The following CRISPLD2 variants were observed in gnomAD, a reference collection of about 807,000 sequenced individuals.
The protein encoded by CRISPLD2 is cysteine rich secretory protein LCCL domain containing 2, also known as cysteine-rich secretory protein LCCL domain-containing 2.
Under a neutral mutation model 71.1 loss-of-function variants are expected in CRISPLD2, and 47 were observed. The ratio of observed to expected loss-of-function variants is 0.66; its 90% confidence interval spans 0.52 to 0.84. The LOEUF is 0.84. CRISPLD2 is among the 40% of genes least tolerant of loss of function. The pLI is 0.00. For missense variants in CRISPLD2, 830 were observed against 651.1 expected (o/e 1.27, Z -2.99); for synonymous variants, 317 against 250.1 (o/e 1.27, Z -2.52).
At chr16:84,884,147 T>G (rs2071591864) in intron 13 of CRISPLD2, among the ~76,000 whole-genome samples, 1 of 152,190 alleles carries the variant, frequency 6.6e-6, no homozygotes, top group Non-Finnish European at 1.5e-5. Context: ...ACACAGCCCT[T>G]CTTTAATCTT....
At chr16:84,864,253 G>A (rs1404080494) in intron 6 of CRISPLD2, among the ~76,000 whole-genome samples, 1 of 152,140 alleles carries the variant, frequency 6.6e-6, no homozygotes, top group East Asian at 1.9e-4. Flanking sequence ...GGAGGTACTC[G>A]GATCCAGCCC....
At chr16:84,895,215 AG>A (rs1567705382) in intron 14 of CRISPLD2, among the ~76,000 whole-genome samples, 1 of 152,170 alleles carries the variant, frequency 6.6e-6, no homozygotes, top group East Asian at 1.9e-4. Context: ...GACTTGCCCA[AG>A]GTCACCCAGC....
At position 84,838,601 on chromosome 16, in the gene CRISPLD2, A is replaced by T; in HGVS notation, c.106A>T (p.Ser36Cys). 6.2e-7 allele frequency: 1 copy of T among 1,614,256 alleles called. No individual in the cohort carries two copies. Among genetic ancestry groups the T allele is most frequent in the Non-Finnish European group, 8.5e-7 (1 of 1,180,048 alleles). The change falls in exon 2 of 15, where the codon AGC becomes TGC. Residue 36 changes from serine (S) to cysteine (C), a missense_variant. Coordinates refer to ENST00000262424, the MANE Select transcript of CRISPLD2 (RefSeq NM_031476.4). ...CGTCACTCTCTTAGAGGAGCTGCTC[A>T]GCAAATACCAGCACAACGAGTCTCA... ...PNVTLLEELL[S>C]KYQHNESHSR...
At chr16:84,849,267 A>C (rs1452310859) in intron 3 of CRISPLD2, 118 bp from the exon 4 acceptor site, 3 of 988,454 alleles carry the variant, frequency 3.0e-6, no homozygotes, top group Non-Finnish European at 4.4e-6. Flanking sequence ...TGCTCCTGGA[A>C]TTGGCCGCTA....
At position 84,892,348 on chromosome 16, in the gene CRISPLD2, G is replaced by A. The variant is rs116149847; in HGVS notation, c.1439+2985G>A. The stretch of plus-strand genomic sequence containing the variant: ...TGACAGCTGCCGTTCTAAGAGTCAC[G>A]CGAACCTGGCAAACCTGACACAAGT... On this transcript the variant is annotated intron_variant, in intron 14 of 14. Coordinates refer to ENST00000262424, the MANE Select transcript of CRISPLD2 (RefSeq NM_031476.4). Among the ~76,000 whole-genome samples the A allele has an allele frequency of 3.2e-3, 483 of 152,296 alleles. 4 individuals carry two copies. Among genetic ancestry groups the A allele is most frequent in the African/African-American group, 0.011 (469 of 41,560 alleles).
intron 14 of CRISPLD2, among the ~76,000 whole-genome samples, chr16:84,900,704 C>G (rs1298976865): frequency 2.6e-5 from 4 of 152,064 alleles, no homozygotes; most frequent in Admixed American, 2.6e-4. Context: ...CTCAGGCACC[C>G]TCACACAAAA....
chr16:84,889,752 T>G (rs866612592), intron 14 of CRISPLD2, among the ~76,000 whole-genome samples: 3 of 139,216 alleles, frequency 2.2e-5, no homozygotes, highest in Non-Finnish European at 4.7e-5. Context: ...TTGTTTTTCT[T>G]TGTGTGTGTG....
At chr16:84,847,274 T>C (rs889189744) in intron 3 of CRISPLD2, among the ~76,000 whole-genome samples, 1 of 152,220 alleles carries the variant, frequency 6.6e-6, no homozygotes, top group Non-Finnish European at 1.5e-5. Flanking sequence ...CCTGGGCAGG[T>C]GTCATGGTGG....
rs543977254 is a variant in CRISPLD2, at chr16:84,858,525, T to A, written c.709+3696T>A. Among the ~76,000 whole-genome samples the A allele has an allele frequency of 3.9e-5, 6 of 152,330 alleles. No homozygotes were observed. In the South Asian group the frequency reaches 1.2e-3, roughly 32 times the overall value. On this transcript the variant is annotated intron_variant, in intron 6 of 14. Coordinates refer to ENST00000262424, the MANE Select transcript of CRISPLD2 (RefSeq NM_031476.4). Reference sequence around the variant, plus strand: ...AAGTTTCCTGAATTTTAGTCAAATTTATTTCCCATCCTCTGGCACACAAAT... The same window carrying A: ...AAGTTTCCTGAATTTTAGTCAAATTAATTTCCCATCCTCTGGCACACAAAT...
intron 3 of CRISPLD2, among the ~76,000 whole-genome samples, chr16:84,848,154 G>A (rs1916966829): frequency 6.6e-6 from 1 of 152,138 alleles, no homozygotes; most frequent in Non-Finnish European, 1.5e-5. Context: ...CCACAGCCAT[G>A]CCAGTGCCAG....
rs181777826 is a variant in CRISPLD2, at chr16:84,870,596, C to T, written c.914+1685C>T. Among the ~76,000 whole-genome samples the T allele has an allele frequency of 2.1e-3, 319 of 152,056 alleles. 1 individual carries two copies. The highest frequency in any genetic ancestry group is 7.3e-3 in the African/African-American group (302 of 41,486). ...CCTCCCAAAGTGTTGGGATTACAGG[C>T]GTGAGCCACTGCGCCTAGGCTGCTT... On this transcript the variant is annotated intron_variant, in intron 8 of 14. Transcript: ENST00000262424.
At chr16:84,883,052 A>G (rs2071582322) in intron 13 of CRISPLD2, among the ~76,000 whole-genome samples, 1 of 152,208 alleles carries the variant, frequency 6.6e-6, no homozygotes, top group African/African-American at 2.4e-5. Flanking sequence ...AGGGCTTGAC[A>G]GACAATCATT....
intron 1 of CRISPLD2, among the ~76,000 whole-genome samples, chr16:84,836,740 G>A (rs551050495): frequency 3.2e-4 from 48 of 149,018 alleles, no homozygotes; most frequent in African/African-American, 1.1e-3. Flanking sequence ...GGCCCCACCC[G>A]AGGATGCCCA....
intron 1 of CRISPLD2, among the ~76,000 whole-genome samples, chr16:84,831,910 C>T (rs1418023674): frequency 6.6e-6 from 1 of 152,044 alleles, no homozygotes; most frequent in Non-Finnish European, 1.5e-5. Flanking sequence ...AAGGTTTGTA[C>T]TTTTAGTAAA....
intron 3 of CRISPLD2, among the ~76,000 whole-genome samples, chr16:84,847,470 T>G (rs373637221): frequency 6.6e-6 from 1 of 152,062 alleles, no homozygotes; most frequent in Non-Finnish European, 1.5e-5. Flanking sequence ...GCCAACATAG[T>G]GAAACCCCGT....
chr16:84,872,969 G>GTCTTC, intron 9 of CRISPLD2, 23 bp from the exon 10 acceptor site: 1 of 1,595,028 alleles, frequency 6.3e-7, no homozygotes, highest in African/African-American at 1.4e-5. Context: ...TGTGCCTCTG[G>GTCTTC]TCTTCTCTTC....
chr16:84,838,481 T>TGTA lies in CRISPLD2; in HGVS notation c.-14_-13insTAG. 1 of 1,610,788 alleles carries TGTA rather than the reference T, an allele frequency of 6.2e-7. No individual in the cohort carries two copies. The highest frequency in any genetic ancestry group is 8.5e-7 in the Non-Finnish European group (1 of 1,177,592). ...GCTGCCCCGTGAGTCCCATAGTTGC[T>TGTA]GCAGGAGTGGAGCCATGAGCTGCGT... On this transcript the variant is annotated 5_prime_UTR_variant, in exon 2 of 15. Transcript: ENST00000262424.
At chr16:84,851,622 C>T (rs530611298) in intron 5 of CRISPLD2, among the ~76,000 whole-genome samples, 3 of 152,106 alleles carry the variant, frequency 2.0e-5, no homozygotes, top group East Asian at 1.9e-4. Context: ...GGTGGCGTGG[C>T]GCGGCTCAGC....
intron 1 of CRISPLD2, among the ~76,000 whole-genome samples, chr16:84,833,863 C>A (rs963239188): frequency 3.3e-5 from 5 of 152,166 alleles, no homozygotes; most frequent in Admixed American, 1.3e-4. Flanking sequence ...ACTCCCCCAG[C>A]CCAGCAGCCT....
Sources: gnomAD v4.1 joint callset for allele counts (sites outside exome capture counted in the v4.1 genomes callset) on GRCh38, gnomAD v4.1.1 for gene constraint, MANE v1.5 for transcripts, NCBI Gene and HGNC (gene_info 2026-07-23, HGNC 2026-07-21) for gene names.